The following MREG variants were observed in gnomAD, a reference collection of about 807,000 sequenced individuals.
The protein encoded by MREG is dilute suppressor protein homolog.
A neutral mutation model predicts 28.5 loss-of-function variants in MREG; 31 were observed. That is an observed-to-expected ratio of 1.09 (90% CI 0.82 to 1.47). The LOEUF is 1.47. Among genes scored for constraint, MREG ranks in the 40% most tolerant of loss-of-function variants. The pLI, the probability that MREG is intolerant of heterozygous loss-of-function variation, is 0.00. For synonymous variants in MREG, 106 were observed against 95.2 expected, an observed-to-expected ratio of 1.11 and a Z score of -0.66; for missense variants, 256 against 257.4, an observed-to-expected ratio of 0.99 and a Z score of 0.04.
intron 2 of MREG, among the ~76,000 whole-genome samples, chr2:215,986,150 T>C (rs757584005): frequency 1.8e-4 from 28 of 152,184 alleles, no homozygotes; most frequent in Non-Finnish European, 4.0e-4. Context: ...CTCATAGGCA[T>C]ATTTTATTTT....
chr2:215,952,578 G>A (rs1692518616), intron 2 of MREG, among the ~76,000 whole-genome samples: 1 of 151,920 alleles, frequency 6.6e-6, no homozygotes, highest in Non-Finnish European at 1.5e-5. Flanking sequence ...TAAAAAAGGG[G>A]ACTTATACAC....
At chr2:215,953,398 C>T (rs1692537837) in intron 2 of MREG, among the ~76,000 whole-genome samples, 3 of 152,154 alleles carry the variant, frequency 2.0e-5, no homozygotes. Flanking sequence ...CATCAGAATC[C>T]CTTGAAGGGG....
chr2:216,031,447 G>C (rs142464940), intron 1 of MREG, among the ~76,000 whole-genome samples: 9 of 94,162 alleles, frequency 9.6e-5, no homozygotes, highest in African/African-American at 3.1e-4. Context: ...GAAAGAAAAA[G>C]AAAGAAAGAG....
In MREG at chr2:215,945,561, A is replaced by C. The variant is rs780630202; in HGVS notation, c.510+10T>G. ...AAAATTAGGGCAAATGAAAAAAAGC[A>C]TCCACTTACCACAACAAAGAGATAT... On this transcript the variant is annotated intron_variant, in intron 4 of 4. Coordinates refer to ENST00000263268, the MANE Select transcript of MREG (RefSeq NM_018000.3). 1.9e-6 allele frequency: 3 copies of C among 1,603,494 alleles called. No individual in the cohort carries two copies. Among genetic ancestry groups the C allele is most frequent in the East Asian group, 4.5e-5 (2 of 44,794 alleles).
intron 1 of MREG, among the ~76,000 whole-genome samples, chr2:216,025,767 G>A (rs1017107746): frequency 7.9e-5 from 12 of 152,184 alleles, no homozygotes; most frequent in African/African-American, 1.9e-4. Flanking sequence ...CCGGAGGGAG[G>A]ATCTAGAGCC....
chr2:215,976,691 C>T lies in MREG; in HGVS notation c.255+19615G>A, dbSNP rs375491586. On this transcript the variant is annotated intron_variant, in intron 2 of 4. Transcript: ENST00000263268. Reference sequence around the variant, plus strand: ...CTAACAGCGGATCTCTCAGCAGAAACTCTACAAGCCAGAAGAGAGTGGGGG... The same window carrying T: ...CTAACAGCGGATCTCTCAGCAGAAATTCTACAAGCCAGAAGAGAGTGGGGG... Among the ~76,000 whole-genome samples, 4 of 152,302 alleles carry T rather than the reference C, an allele frequency of 2.6e-5. No individual in the cohort carries two copies. The East Asian group carries it at 7.7e-4, about 29-fold the overall frequency.
chr2:215,961,658 C>T (rs1270543016), intron 2 of MREG, among the ~76,000 whole-genome samples: 1 of 152,074 alleles, frequency 6.6e-6, no homozygotes, highest in Non-Finnish European at 1.5e-5. Context: ...AACTCCTGAC[C>T]TCAAATGATC....
chr2:216,019,522 T>G (rs1694492073), intron 1 of MREG, among the ~76,000 whole-genome samples: 1 of 151,716 alleles, frequency 6.6e-6, no homozygotes. Context: ...TTTTTTTTTT[T>G]GAGACAGAGT....
intron 2 of MREG, among the ~76,000 whole-genome samples, chr2:215,973,490 T>C (rs1417257985): frequency 6.6e-6 from 1 of 152,182 alleles, no homozygotes; most frequent in Non-Finnish European, 1.5e-5. Context: ...TACAAGCTGT[T>C]GCATGCCCAC....
rs2105962967 is a variant in MREG, at chr2:215,943,875, T to C, written c.*988A>G. 6.4e-6 allele frequency: 1 copy of C among 155,968 alleles called. No individual in the cohort carries two copies. Among genetic ancestry groups the C allele is most frequent in the African/African-American group, 2.5e-5 (1 of 40,742 alleles). 9.7% of individuals were successfully genotyped at this position (155,968 alleles called of 1,614,324 possible). On this transcript the variant is annotated 3_prime_UTR_variant, in exon 5 of 5. Coordinates refer to ENST00000263268, the MANE Select transcript of MREG (RefSeq NM_018000.3). Reference sequence around the variant, plus strand: ...AAAAAAAAAAAAGAGCGAAAGGCTTTTGGAATAGAAATGGACAATATACAA... The same window carrying C: ...AAAAAAAAAAAAGAGCGAAAGGCTTCTGGAATAGAAATGGACAATATACAA...
chr2:216,034,067 C>T (rs550117334), upstream of MREG: 25 of 152,204 alleles, frequency 1.6e-4, no homozygotes, highest in African/African-American at 4.8e-4. Flanking sequence ...AGAAGAAATA[C>T]CAAAGGAAGA....
At chr2:215,975,818 G>A (rs1693242018) in intron 2 of MREG, among the ~76,000 whole-genome samples, 1 of 152,184 alleles carries the variant, frequency 6.6e-6, no homozygotes, top group African/African-American at 2.4e-5. Context: ...GGGCGCCGTG[G>A]CTCACACCTG....
chr2:215,990,756 T>C (rs1693700243), intron 2 of MREG, among the ~76,000 whole-genome samples: 1 of 152,092 alleles, frequency 6.6e-6, no homozygotes, highest in African/African-American at 2.4e-5. Context: ...TTGTCTCTGA[T>C]AAAATGGACT....
intron 2 of MREG, among the ~76,000 whole-genome samples, chr2:215,950,991 TTCTC>T (rs747817889): frequency 4.0e-5 from 6 of 149,810 alleles, no homozygotes; most frequent in Non-Finnish European, 6.0e-5. Context: ...CGCTTCCCCC[TTCTC>T]TCTCTCTCTC....
chr2:215,958,221 C>A (rs1026565942), intron 2 of MREG, among the ~76,000 whole-genome samples: 1 of 150,520 alleles, frequency 6.6e-6, no homozygotes, highest in African/African-American at 2.4e-5. Flanking sequence ...CAAACCTGCA[C>A]GTTGTGCACA....
At chr2:215,978,507 G>A (rs970971918) in intron 2 of MREG, among the ~76,000 whole-genome samples, 1 of 152,170 alleles carries the variant, frequency 6.6e-6, no homozygotes, top group Non-Finnish European at 1.5e-5. Flanking sequence ...AACAGAAAAA[G>A]AAGGAATCCT....
intron 2 of MREG, among the ~76,000 whole-genome samples, chr2:215,950,617 A>T (rs915494185): frequency 6.6e-6 from 1 of 152,208 alleles, no homozygotes; most frequent in Non-Finnish European, 1.5e-5. Flanking sequence ...TCTTCTTTTG[A>T]CAGAATAGTC....
rs572324462 is a variant in MREG at position 215,978,208 on chromosome 2, C to T, written c.255+18098G>A. ...AAAAATGATAAAGGGGATATCACCA[C>T]CGATCCCACAGAAATACAAACTACC... On this transcript the variant is annotated intron_variant, in intron 2 of 4. Coordinates refer to ENST00000263268, the MANE Select transcript of MREG (RefSeq NM_018000.3). 3.0e-4 allele frequency among the ~76,000 whole-genome samples: 46 copies of T among 152,184 alleles called. No homozygotes were observed. In the East Asian group the frequency reaches 7.9e-3, roughly 26 times the overall value.
intron 2 of MREG, among the ~76,000 whole-genome samples, chr2:215,993,986 T>C (rs1040810396): frequency 1.3e-5 from 2 of 149,918 alleles, no homozygotes; most frequent in Admixed American, 6.6e-5. Context: ...AGTTCAACCA[T>C]TGTGGAAGAC....
Sources: allele counts gnomAD v4.1 joint callset (sites outside exome capture counted in the v4.1 genomes callset), GRCh38; gene constraint gnomAD v4.1.1; transcripts MANE v1.5; gene names NCBI Gene and HGNC (gene_info 2026-07-23, HGNC 2026-07-21).